PLXNA1: variants seen among roughly 807,000 people sequenced by gnomAD.
PLXNA1 encodes the protein plexin A1.
A neutral mutation model predicts 191.7 loss-of-function variants in PLXNA1; 77 were observed. The ratio of observed to expected loss-of-function variants is 0.40; its 90% confidence interval spans 0.33 to 0.49. The LOEUF is 0.49. Among genes scored for constraint, PLXNA1 ranks in the 20% least tolerant of loss-of-function variants. The pLI is 0.63. For synonymous variants in PLXNA1, 1,137 were observed against 1,156.4 expected (o/e 0.98, Z 0.34); for missense variants, 2,110 against 2,660.2 (o/e 0.79, Z 4.55).
rs2078980457 is a variant in PLXNA1 at position 126,989,673 on chromosome 3, C to T, written c.1080C>T (p.Phe360=). The change falls in exon 2 of 32, where the codon TTC becomes TTT. Residue 360 remains phenylalanine (F), a synonymous_variant. Transcript: ENST00000393409. ...KPPKESALCL[F]TLRAIKEKIK... is the part of the protein sequence containing the mutation. ...CAAAGGAGTCAGCACTGTGCCTGTT[C>T]ACGCTCAGGGCCATCAAGGAGAAGA... 1 of 1,613,160 alleles carries T rather than the reference C, an allele frequency of 6.2e-7. No homozygotes were observed. The highest frequency in any genetic ancestry group is 8.5e-7 in the Non-Finnish European group (1 of 1,180,026).
At chr3:127,003,508 G>A (rs2079051176) in intron 4 of PLXNA1, 38 bp downstream of exon 4, 1 of 1,553,320 alleles carries the variant, frequency 6.4e-7, no homozygotes, top group African/African-American at 1.4e-5. Flanking sequence ...GGCTGAAGGT[G>A]GGGGCCCTCC....
intron 4 of PLXNA1, 75 bp downstream of exon 4, chr3:127,003,545 T>C (rs1311445699): frequency 7.4e-6 from 11 of 1,486,742 alleles, no homozygotes; most frequent in Non-Finnish European, 1.0e-5. Context: ...CACAGAGCAG[T>C]AGGGGTGGGG....
At chr3:127,015,826 C>T (rs763973481) in intron 15 of PLXNA1, among the ~76,000 whole-genome samples, 7 of 152,050 alleles carry the variant, frequency 4.6e-5, no homozygotes, top group Non-Finnish European at 8.8e-5. Flanking sequence ...GGGTCCGGAC[C>T]CAGGTGTGGG....
chr3:126,991,321 G>A, intron 2 of PLXNA1, 63 bp from the exon 3 acceptor site: 3 of 1,581,220 alleles, frequency 1.9e-6, no homozygotes, highest in South Asian at 1.1e-5. Context: ...CCCTGCCCAG[G>A]GAGGCCCAGT....
rs2079127167 is a variant in PLXNA1 at position 127,016,996 on chromosome 3, C to T, written c.3235C>T (p.Pro1079Ser). The change falls in exon 17 of 32, where the codon CCC becomes TCC. Residue 1079 changes from proline to serine, a missense_variant. Physicochemically the swap from Pro to Ser is moderately conservative, Grantham distance 74. Coordinates refer to ENST00000393409, the MANE Select transcript of PLXNA1 (RefSeq NM_032242.4). Reference protein sequence around the residue: ...TGTNLATVREPRIRAKYGGIE... With the variant: ...TGTNLATVRESRIRAKYGGIE... ...CACCAACCTGGCCACTGTCCGTGAA[C>T]CCCGAATCCGGGCCAAGTATGGAGG... The T allele has an allele frequency of 6.2e-7, 1 of 1,613,532 alleles. No homozygotes were observed. The highest frequency in any genetic ancestry group is 2.2e-5 in the East Asian group (1 of 44,884).
At chr3:126,995,156 G>A (rs11710240) in intron 3 of PLXNA1, among the ~76,000 whole-genome samples, 13,454 of 152,238 alleles carry the variant, frequency 0.088, 780 homozygotes, top group Middle Eastern at 0.22. Flanking sequence ...TTTAAGACCT[G>A]CCAACTTCGG....
At chr3:127,021,559 C>T (rs1410927784) in intron 21 of PLXNA1, among the ~76,000 whole-genome samples, 1 of 152,204 alleles carries the variant, frequency 6.6e-6, no homozygotes, top group Admixed American at 6.5e-5. Flanking sequence ...AACCTTGTGT[C>T]CTCATCCATG....
chr3:127,016,707 C>T (rs2079125554), intron 16 of PLXNA1, 23 bp downstream of exon 16: 1 of 1,612,874 alleles, frequency 6.2e-7, no homozygotes, highest in African/African-American at 1.3e-5. Flanking sequence ...AACACCCATT[C>T]CCTATCCCCA....
At chr3:126,988,238 C>T (rs909328863) in intron 1 of PLXNA1, among the ~76,000 whole-genome samples, 1 of 152,196 alleles carries the variant, frequency 6.6e-6, no homozygotes, top group East Asian at 1.9e-4. Context: ...CCCTTGTCAC[C>T]TGCCTTCCTG....
In PLXNA1 at chr3:127,004,903, C is replaced by T. The variant is rs2079058278; in HGVS notation, c.1638C>T (p.Ala546=). The T allele has an allele frequency of 8.1e-6, 13 of 1,603,498 alleles. No homozygotes were observed. The highest frequency in any genetic ancestry group is 1.1e-5 in the Non-Finnish European group (13 of 1,173,510). The change falls in exon 6 of 32, where the codon GCC becomes GCT. Residue 546 remains alanine (A), a synonymous_variant. Coordinates refer to ENST00000393409, the MANE Select transcript of PLXNA1 (RefSeq NM_032242.4). ...VLHSICSRRD[A]CERADEPQRF... ...CCTGCAGCTGCTCGCGGCGGGACGC[C>T]TGTGAGCGAGCAGACGAGCCCCAGC...
chr3:127,028,002 C>T lies in PLXNA1; in HGVS notation c.4425C>T (p.Gly1475=), dbSNP rs2079185320. 2 of 1,613,988 alleles carry T rather than the reference C, an allele frequency of 1.2e-6. No individual in the cohort carries two copies. The highest frequency in any genetic ancestry group is 2.7e-5 in the African/African-American group (2 of 75,028). Residue 1475 remains glycine (G), a synonymous_variant, in exon 24 of 32, where the codon GGC becomes GGT. Coordinates refer to ENST00000393409, the MANE Select transcript of PLXNA1 (RefSeq NM_032242.4). ...YCAIKQQMEK[G]PIDAITGEAR... is the part of the protein sequence containing the mutation. ...CCATCAAGCAGCAGATGGAGAAGGG[C>T]CCCATTGACGCCATCACGGGTGAGG...
At position 127,014,486 on chromosome 3, in the gene PLXNA1, C is replaced by T. The variant is rs80308004; in HGVS notation, c.2613C>T (p.Pro871=). ...GCCTCTGCCTCCCTCAGCTGTCCCC[C>T]GAGACGGGCCCGAGGCAGGGCGGCA... ...CTDPKILKLS[P]ETGPRQGGTR... is the part of the protein sequence containing the mutation. Residue 871 remains proline (P), a synonymous_variant, in exon 13 of 32, where the codon CCC becomes CCT. Coordinates refer to ENST00000393409, the MANE Select transcript of PLXNA1 (RefSeq NM_032242.4). 7.1e-3 allele frequency: 11,351 copies of T among 1,602,778 alleles called. 636 individuals are homozygous for T. The African/African-American group carries it at 0.13, about 18-fold the overall frequency.
At position 127,014,176 on chromosome 3, in the gene PLXNA1, C is replaced by A. The variant is rs2079109369; in HGVS notation, c.2411-6C>A. On this transcript the variant is annotated splice_region_variant and splice_polypyrimidine_tract_variant and intron_variant, in intron 11 of 31. Coordinates refer to ENST00000393409, the MANE Select transcript of PLXNA1 (RefSeq NM_032242.4). ...GGGCCCGAGCTGACCGCACCCCTCCCCACAGCGCACCTCTACAAGTGCCCG... is the reference window on the plus strand; with the variant it reads ...GGGCCCGAGCTGACCGCACCCCTCCACACAGCGCACCTCTACAAGTGCCCG... 6.2e-7 allele frequency: 1 copy of A among 1,611,130 alleles called. No homozygotes were observed.
intron 3 of PLXNA1, among the ~76,000 whole-genome samples, chr3:126,993,892 C>G (rs541767433): frequency 1.3e-5 from 2 of 152,246 alleles, no homozygotes; most frequent in African/African-American, 4.8e-5. Context: ...GGGCATGTCC[C>G]GTGCAGGGTT....
chr3:127,003,291 T>G (rs1576675488), intron 3 of PLXNA1, 39 bp from the exon 4 acceptor site: 3 of 1,540,744 alleles, frequency 1.9e-6, no homozygotes, highest in East Asian at 2.3e-5. Context: ...GTCAGGGAGG[T>G]ATCAGCACAG....
intron 23 of PLXNA1, among the ~76,000 whole-genome samples, chr3:127,024,441 A>G (rs1406038558): frequency 6.6e-6 from 1 of 152,130 alleles, no homozygotes; most frequent in Non-Finnish European, 1.5e-5. Context: ...ATGTGTGGGC[A>G]GTGGAGGGAG....
intron 10 of PLXNA1, among the ~76,000 whole-genome samples, chr3:127,012,931 A>G (rs946819563): frequency 6.6e-6 from 1 of 152,238 alleles, no homozygotes; most frequent in Non-Finnish European, 1.5e-5. Context: ...CTGCAGGGGC[A>G]GGTGGCTGGG....
intron 1 of PLXNA1, among the ~76,000 whole-genome samples, chr3:126,987,767 G>T (rs1026378110): frequency 2.0e-5 from 3 of 152,148 alleles, no homozygotes; most frequent in African/African-American, 7.2e-5. Flanking sequence ...GGAAGGGGCC[G>T]TGTGGCGGGG....
rs142936311 is a variant in PLXNA1 at position 126,998,982 on chromosome 3, A to G, written c.1378-4348A>G. Among the ~76,000 whole-genome samples, 168 of 152,328 alleles carry G rather than the reference A, an allele frequency of 1.1e-3. 3 individuals are homozygous for G. Among genetic ancestry groups the G allele is most frequent in the Admixed American group, 8.2e-3 (126 of 15,306 alleles). ...ATTGCTAATTGCTTTTCCAGTATCA[A>G]GTTCCTCCTGGCCTTTCTGAGAGTG... On this transcript the variant is annotated intron_variant, in intron 3 of 31. Coordinates refer to ENST00000393409, the MANE Select transcript of PLXNA1 (RefSeq NM_032242.4).
Sources: gnomAD v4.1 joint callset for allele counts (sites outside exome capture counted in the v4.1 genomes callset) on GRCh38, gnomAD v4.1.1 for gene constraint, MANE v1.5 for transcripts, NCBI Gene and HGNC (gene_info 2026-07-23, HGNC 2026-07-21) for gene names.